The following INSR variants were observed in gnomAD, a reference collection of about 807,000 sequenced individuals.
The protein encoded by INSR is IR.
A neutral mutation model predicts 142.6 loss-of-function variants in INSR; 67 were observed. The ratio of observed to expected loss-of-function variants is 0.47; its 90% CI spans 0.39 to 0.58. INSR has a LOEUF of 0.58. Among genes scored for constraint, INSR ranks in the 20% least tolerant of loss-of-function variants. The probability of loss-of-function intolerance (pLI) is 0.00; values close to 1 mark genes in which losing one functional copy is unlikely to be tolerated. For missense variants in INSR, 1,248 were observed against 1,833.2 expected, an observed-to-expected ratio of 0.68 and a Z score of 5.83; for synonymous variants, 756 against 743.1, an observed-to-expected ratio of 1.02 and a Z score of -0.28.
intron 2 of INSR, among the ~76,000 whole-genome samples, chr19:7,226,719 C>A (rs908704471): frequency 9.4e-5 from 7 of 74,602 alleles, no homozygotes; most frequent in Non-Finnish European, 1.7e-4. Context: ...CAGAGCCAGA[C>A]CCTGTTTCCA....
intron 2 of INSR, among the ~76,000 whole-genome samples, chr19:7,187,145 G>A (rs1434208144): frequency 9.2e-5 from 14 of 151,640 alleles, no homozygotes; most frequent in Admixed American, 7.9e-4. Context: ...GCAGTGACTC[G>A]ATCTCGGCTC....
chr19:7,154,627 T>C (rs565361514), intron 9 of INSR, among the ~76,000 whole-genome samples: 1 of 146,390 alleles, frequency 6.8e-6, no homozygotes, highest in East Asian at 2.2e-4. Flanking sequence ...ACCAACCTAA[T>C]AGAAACTGCC....
chr19:7,151,160 T>TTTCTTTCTC (rs1973335766), intron 10 of INSR, among the ~76,000 whole-genome samples: 1 of 7,276 alleles, frequency 1.4e-4, no homozygotes, highest in African/African-American at 2.0e-4. Flanking sequence ...CTTTCTTTCT[T>TTTCTTTCTC]TCTCTTTCTT....
intron 17 of INSR, chr19:7,123,307 T>A: frequency 2.8e-6 from 1 of 354,828 alleles, no homozygotes; most frequent in Non-Finnish European, 5.4e-6. Context: ...TAGCTGGGGT[T>A]ACAGGTGCCC....
Position 7,141,579 on chromosome 19 carries a change from T to G in INSR, c.2682+98A>C, listed in dbSNP as rs1029724998. 15 of 1,550,342 alleles carry G rather than the reference T, an allele frequency of 9.7e-6. No homozygotes were observed. In the African/African-American group the frequency reaches 1.8e-4, roughly 18 times the overall value. ...GCACAGTACCTGATGAGAGAAGCAC[T>G]GGAATCAAAATTTCAGCAGAGGAAG... On this transcript the variant is annotated intron_variant, in intron 13 of 21. Transcript: ENST00000302850.
chr19:7,242,754 A>C (rs1314642779), intron 2 of INSR, among the ~76,000 whole-genome samples: 2 of 148,404 alleles, frequency 1.3e-5, no homozygotes, highest in Non-Finnish European at 3.0e-5. Flanking sequence ...AAAAAAAAAA[A>C]CAGCTACAAC....
At chr19:7,275,574 G>A (rs1357752117) in intron 1 of INSR, among the ~76,000 whole-genome samples, 1 of 152,050 alleles carries the variant, frequency 6.6e-6, no homozygotes, top group Non-Finnish European at 1.5e-5. Flanking sequence ...CCCAAGGTCA[G>A]GAGTTTGAGA....
intron 2 of INSR, among the ~76,000 whole-genome samples, chr19:7,186,161 C>CTCCA (rs1974426385): frequency 6.6e-6 from 1 of 152,124 alleles, no homozygotes; most frequent in Non-Finnish European, 1.5e-5. Flanking sequence ...TGCCACTGCA[C>CTCCA]TCCAGCCTTG....
At chr19:7,199,762 A>T (rs762823578) in intron 2 of INSR, among the ~76,000 whole-genome samples, 2 of 151,454 alleles carry the variant, frequency 1.3e-5, no homozygotes, top group Non-Finnish European at 2.9e-5. Context: ...CCCAGATCTG[A>T]CACCCTCTTG....
intron 15 of INSR, among the ~76,000 whole-genome samples, chr19:7,127,203 T>A (rs1178046274): frequency 6.6e-6 from 1 of 152,194 alleles, no homozygotes; most frequent in Non-Finnish European, 1.5e-5. Flanking sequence ...GGGCTCTGGC[T>A]GGCTTTTTAA....
intron 21 of INSR, among the ~76,000 whole-genome samples, chr19:7,118,452 G>C (rs1411260472): frequency 6.6e-6 from 1 of 151,448 alleles, no homozygotes; most frequent in African/African-American, 2.4e-5. Context: ...TGAGTAGCTG[G>C]GATTACAGGC....
chr19:7,226,728 C>CA (rs71177177), intron 2 of INSR, among the ~76,000 whole-genome samples: 2,567 of 112,870 alleles, frequency 0.023, 134 homozygotes, highest in East Asian at 0.15. Flanking sequence ...ACCCTGTTTC[C>CA]AAAAAAAAAA....
In INSR at chr19:7,197,758, A is replaced by AGTGT. The variant is rs57922087; in HGVS notation, c.653-13125_653-13122dup. On this transcript the variant is annotated intron_variant, in intron 2 of 21. Transcript: ENST00000302850. ...TGTGATTGGCAGGTTCCAGAGTGGGAGTGTGTGTGTGTGTGTGTGTGTGTC... is the reference window on the plus strand; with the variant it reads ...TGTGATTGGCAGGTTCCAGAGTGGGAGTGTGTGTGTGTGTGTGTGTGTGTGTGTC... Among the ~76,000 whole-genome samples the AGTGT allele has an allele frequency of 3.1e-3, 181 of 57,800 alleles. 13 individuals carry two copies. The highest frequency in any genetic ancestry group is 8.3e-3 in the East Asian group (17 of 2,038). The allele number at this position is 57,800 out of a possible 152,430, so 37.9% of individuals were successfully genotyped here.
At chr19:7,292,983 C>T (rs1219045987) in intron 1 of INSR, among the ~76,000 whole-genome samples, 1 of 152,084 alleles carries the variant, frequency 6.6e-6, no homozygotes, top group Non-Finnish European at 1.5e-5. Context: ...CTGGCTCTGG[C>T]ACTGACTTTA....
intron 1 of INSR, among the ~76,000 whole-genome samples, chr19:7,292,744 G>A (rs1968529784): frequency 6.6e-6 from 1 of 152,082 alleles, no homozygotes; most frequent in Non-Finnish European, 1.5e-5. Flanking sequence ...AAATGATTGC[G>A]CCATCTTCAT....
Position 7,288,739 on chromosome 19 carries a change from G to A in INSR, c.100+5053C>T, listed in dbSNP as rs146619662. 9.5e-3 allele frequency among the ~76,000 whole-genome samples: 1,444 copies of A among 151,338 alleles called. 24 individuals are homozygous for A. Among genetic ancestry groups the A allele is most frequent in the African/African-American group, 0.033 (1,342 of 41,206 alleles). On this transcript the variant is annotated intron_variant, in intron 1 of 21. Transcript: ENST00000302850. Reference sequence around the variant, plus strand: ...GCACTCTGGGAGGCTGAGGTAGGTGGATCTCTTGAGGTCAGGAGTTTGGGA... The same window carrying A: ...GCACTCTGGGAGGCTGAGGTAGGTGAATCTCTTGAGGTCAGGAGTTTGGGA...
intron 2 of INSR, among the ~76,000 whole-genome samples, chr19:7,210,087 G>A (rs929410109): frequency 2.6e-5 from 4 of 151,984 alleles, no homozygotes; most frequent in Admixed American, 6.6e-5. Context: ...GCTCACACCC[G>A]TAATCTCAGC....
intron 2 of INSR, among the ~76,000 whole-genome samples, chr19:7,241,137 C>T (rs1976325562): frequency 6.6e-6 from 1 of 150,672 alleles, no homozygotes. Flanking sequence ...CTGTATCTTA[C>T]ATTTTATTAC....
intron 2 of INSR, among the ~76,000 whole-genome samples, chr19:7,213,127 C>T (rs972821165): frequency 6.6e-5 from 10 of 152,068 alleles, no homozygotes; most frequent in African/African-American, 9.6e-5. Context: ...GGGCGGATCA[C>T]GAGGTCAGGA....
Sources: allele counts gnomAD v4.1 joint callset (sites outside exome capture counted in the v4.1 genomes callset), GRCh38; gene constraint gnomAD v4.1.1; transcripts MANE v1.5; gene names NCBI Gene and HGNC (gene_info 2026-07-23, HGNC 2026-07-21).